Variants in DECR1 observed in about 807,000 individuals in gnomAD.
DECR1 encodes 2,4-dienoyl-CoA reductase 1.
A neutral mutation model predicts 38.8 loss-of-function variants in DECR1; 44 were observed. The ratio of observed to expected loss-of-function variants is 1.13; its 90% CI spans 0.89 to 1.46. The LOEUF is 1.46. Among genes scored for constraint, DECR1 ranks in the 40% most tolerant of loss-of-function variants. The pLI is 0.00. For missense variants in DECR1, 428 were observed against 405.5 expected, an observed-to-expected ratio of 1.06 and a Z score of -0.48; for synonymous variants, 148 against 135.2, an observed-to-expected ratio of 1.09 and a Z score of -0.66.
At chr8:90,015,563 A>G (rs1432306855) in intron 1 of DECR1, 1 of 436,382 alleles carries the variant, frequency 2.3e-6, no homozygotes, top group Non-Finnish European at 4.7e-6. Context: ...CTCCTTCTAA[A>G]TCATTGACCA....
At chr8:90,022,392 A>G (rs1461285884) in intron 5 of DECR1, among the ~76,000 whole-genome samples, 1 of 152,192 alleles carries the variant, frequency 6.6e-6, no homozygotes, top group Non-Finnish European at 1.5e-5. Flanking sequence ...AATAGCTTCC[A>G]TCCTTTCTAT....
Position 90,019,176 on chromosome 8 carries a change from AGT to A in DECR1, c.417+7_417+8del, listed in dbSNP as rs750878863. 1 of 1,613,180 alleles carries A rather than the reference AGT, an allele frequency of 6.2e-7. No homozygotes were observed. The highest frequency in any genetic ancestry group is 8.5e-7 in the Non-Finnish European group (1 of 1,179,176). ...CAAAGTTGCAGGACATCCTAATGTA[AGT>A]GTAGCAATGATGAAGCCAAAGTGCA... On this transcript the variant is annotated splice_donor_5th_base_variant and intron_variant, in intron 4 of 9. Transcript: ENST00000220764.
intron 5 of DECR1, among the ~76,000 whole-genome samples, chr8:90,022,747 G>A (rs1312304282): frequency 1.3e-5 from 2 of 151,450 alleles, no homozygotes; most frequent in East Asian, 1.9e-4. Flanking sequence ...TGTCTCTTTC[G>A]TTTCTTTGTC....
intron 5 of DECR1, among the ~76,000 whole-genome samples, chr8:90,031,416 T>A (rs550572723): frequency 2.2e-4 from 33 of 152,254 alleles, no homozygotes; most frequent in Admixed American, 7.2e-4. Context: ...TTAAAATTAG[T>A]TAGAAAAACC....
intron 1 of DECR1, chr8:90,005,380 C>T (rs1257106559): frequency 2.2e-6 from 1 of 456,202 alleles, no homozygotes; most frequent in Admixed American, 2.3e-5. Context: ...GTATGATGTG[C>T]CGCATGTTAG....
At position 90,001,562 on chromosome 8, in the gene DECR1, G is replaced by T. The variant is rs965670157; in HGVS notation, c.69+1G>T. 6.2e-7 allele frequency: 1 copy of T among 1,612,204 alleles called. No individual in the cohort carries two copies. Among genetic ancestry groups the T allele is most frequent in the Non-Finnish European group, 8.5e-7 (1 of 1,178,840 alleles). On this transcript the variant is annotated splice_donor_variant, in intron 1 of 9. Coordinates refer to ENST00000220764, the MANE Select transcript of DECR1 (RefSeq NM_001359.2). LOFTEE classifies it high-confidence loss of function. ...GCCCTGTGGCCTCGCTCCTCGGAGG[G>T]TAAGGCGGCCGGGGGCGCGGGGAGC...
intron 6 of DECR1, among the ~76,000 whole-genome samples, chr8:90,042,239 A>G (rs1813781128): frequency 6.6e-6 from 1 of 152,154 alleles, no homozygotes; most frequent in Admixed American, 6.6e-5. Flanking sequence ...TATTACAGAC[A>G]TTGTAATCCA....
At chr8:90,009,655 T>C (rs1445762718) in intron 1 of DECR1, among the ~76,000 whole-genome samples, 1 of 152,198 alleles carries the variant, frequency 6.6e-6, no homozygotes, top group African/African-American at 2.4e-5. Context: ...TGTAAGCAAA[T>C]TCCCAAAACA....
chr8:90,005,638 C>T (rs1048382094), intron 1 of DECR1: 11 of 358,614 alleles, frequency 3.1e-5, no homozygotes, highest in South Asian at 8.4e-5. Flanking sequence ...TCATACCCAA[C>T]GATCCTGTCA....
chr8:90,006,016 A>G, intron 1 of DECR1: 1 of 599,286 alleles, frequency 1.7e-6, no homozygotes, highest in Non-Finnish European at 3.0e-6. Flanking sequence ...ATAGAGTGCA[A>G]ACTCACTTGC....
chr8:90,006,240 C>T (rs1284398272), intron 1 of DECR1: 1 of 704,064 alleles, frequency 1.4e-6, no homozygotes, highest in East Asian at 2.7e-5. Context: ...AGGGAGATGT[C>T]AGGACTGGGG....
At chr8:90,038,133 C>G (rs1813658307) in intron 6 of DECR1, among the ~76,000 whole-genome samples, 1 of 152,156 alleles carries the variant, frequency 6.6e-6, no homozygotes, top group African/African-American at 2.4e-5. Context: ...ATAGAACAGT[C>G]CTCGTTGTTA....
At chr8:90,037,770 C>T (rs908723508) in intron 6 of DECR1, among the ~76,000 whole-genome samples, 1 of 151,994 alleles carries the variant, frequency 6.6e-6, no homozygotes. Flanking sequence ...TTGAATTTGT[C>T]CTCCACTGGC....
intron 5 of DECR1, among the ~76,000 whole-genome samples, chr8:90,031,763 A>G (rs1813500738): frequency 1.3e-5 from 2 of 152,166 alleles, no homozygotes; most frequent in Admixed American, 1.3e-4. Flanking sequence ...TAGAACTGCA[A>G]CCAACAGCTC....
At chr8:90,031,831 C>CT (rs1048171487) in intron 5 of DECR1, among the ~76,000 whole-genome samples, 1 of 151,972 alleles carries the variant, frequency 6.6e-6, no homozygotes, top group African/African-American at 2.4e-5. Context: ...CATATAATGC[C>CT]TGGAGGGGTA....
At chr8:90,039,152 C>A (rs1011873712) in intron 6 of DECR1, among the ~76,000 whole-genome samples, 2 of 152,132 alleles carry the variant, frequency 1.3e-5, no homozygotes, top group Non-Finnish European at 2.9e-5. Flanking sequence ...ATTATAGGTT[C>A]CCAAATTCTA....
intron 5 of DECR1, among the ~76,000 whole-genome samples, chr8:90,031,913 T>A (rs1010992653): frequency 1.3e-5 from 2 of 152,144 alleles, no homozygotes; most frequent in African/African-American, 4.8e-5. Flanking sequence ...TAAAAAAAAA[T>A]TAAGATACTT....
At position 90,019,066 on chromosome 8, in the gene DECR1, T is replaced by C. The variant is rs750327194; in HGVS notation, c.331-20T>C. On this transcript the variant is annotated intron_variant, in intron 3 of 9. Transcript: ENST00000220764. The stretch of plus-strand genomic sequence containing the variant: ...TTTAAGAAAGCTGGAAAATGTCATA[T>C]TCTTTTTGTTATTTTGCAGGTTCAT... The C allele has an allele frequency of 6.2e-7, 1 of 1,612,070 alleles. No individual in the cohort carries two copies.
chr8:90,015,648 A>AAT (rs1184419809), intron 1 of DECR1: 1 of 456,510 alleles, frequency 2.2e-6, no homozygotes, highest in Non-Finnish European at 4.4e-6. Flanking sequence ...TAGCTACAGG[A>AAT]ATACTCTGGA....
Sources: gnomAD v4.1 joint callset for allele counts (sites outside exome capture counted in the v4.1 genomes callset) on GRCh38, gnomAD v4.1.1 for gene constraint, MANE v1.5 for transcripts, NCBI Gene and HGNC (gene_info 2026-07-23, HGNC 2026-07-21) for gene names.